SIK3: variants seen among roughly 807,000 people sequenced by gnomAD.
SIK3 encodes the protein serine/threonine-protein kinase SIK3.
Under a neutral mutation model 144.2 loss-of-function variants are expected in SIK3, and 28 were observed. The observed-to-expected ratio is 0.19, with a 90% CI of 0.14 to 0.27. SIK3 has a LOEUF of 0.27. Among genes scored for constraint, SIK3 ranks in the 10% least tolerant of loss-of-function variants. The pLI is 1.00. For synonymous variants in SIK3, 686 were observed against 676.3 expected (o/e 1.01, Z -0.22); for missense variants, 1,319 against 1,776.0 (o/e 0.74, Z 4.62).
chr11:117,065,409 A>G (rs1327545465), intron 1 of SIK3, among the ~76,000 whole-genome samples: 1 of 152,046 alleles, frequency 6.6e-6, no homozygotes, highest in Non-Finnish European at 1.5e-5. Context: ...TTAATAAAAG[A>G]AATGAATTTT....
chr11:116,957,897 A>G (rs1372567006), intron 1 of SIK3, among the ~76,000 whole-genome samples: 1 of 152,212 alleles, frequency 6.6e-6, no homozygotes, highest in African/African-American at 2.4e-5. Context: ...ATCATAAAAC[A>G]TATCTTTCCA....
chr11:116,898,817 GTGT>G (rs1472899101), intron 4 of SIK3, among the ~76,000 whole-genome samples: 1 of 151,960 alleles, frequency 6.6e-6, no homozygotes, highest in Non-Finnish European at 1.5e-5. Context: ...CTTTTTGATG[GTGT>G]TGTTTTTTTC....
intron 4 of SIK3, among the ~76,000 whole-genome samples, chr11:116,913,091 G>A (rs1291781638): frequency 6.9e-6 from 1 of 144,006 alleles, no homozygotes; most frequent in African/African-American, 2.6e-5. Flanking sequence ...CAGAATTGTG[G>A]TAGTGACAAA....
chr11:117,069,204 G>A (rs1231060157), intron 1 of SIK3, among the ~76,000 whole-genome samples: 3 of 145,872 alleles, frequency 2.1e-5, no homozygotes, highest in Admixed American at 1.4e-4. Context: ...GGGGTTTGTT[G>A]TTGTTATTTT....
intron 15 of SIK3, chr11:116,864,819 G>GC (rs1943545761): frequency 6.6e-6 from 1 of 152,284 alleles, no homozygotes; most frequent in South Asian, 2.1e-4. Flanking sequence ...TGGGACTGAA[G>GC]CAGAACCACA....
intron 1 of SIK3, among the ~76,000 whole-genome samples, chr11:116,962,064 A>G (rs1422896886): frequency 6.6e-6 from 1 of 152,246 alleles, no homozygotes; most frequent in Non-Finnish European, 1.5e-5. Flanking sequence ...GCTGAAAAAA[A>G]TAGTGGTTTC....
intron 1 of SIK3, among the ~76,000 whole-genome samples, chr11:116,964,676 C>T (rs561495052): frequency 8.2e-4 from 125 of 152,022 alleles, no homozygotes; most frequent in Non-Finnish European, 1.2e-3. Context: ...AGGTCAGGAG[C>T]TCGAGACCAG....
At chr11:116,965,907 C>A (rs900846830) in intron 1 of SIK3, among the ~76,000 whole-genome samples, 3 of 148,818 alleles carry the variant, frequency 2.0e-5, no homozygotes, top group African/African-American at 5.0e-5. Flanking sequence ...TACATGCCAG[C>A]CTGGGTGACA....
At chr11:116,935,037 A>T (rs1171641603) in intron 3 of SIK3, among the ~76,000 whole-genome samples, 1 of 152,098 alleles carries the variant, frequency 6.6e-6, no homozygotes, top group African/African-American at 2.4e-5. Flanking sequence ...GTAAGCCGAG[A>T]TCGTGCCACT....
intron 1 of SIK3, among the ~76,000 whole-genome samples, chr11:117,062,696 T>C (rs1048271157): frequency 4.6e-5 from 7 of 152,216 alleles, no homozygotes; most frequent in African/African-American, 1.7e-4. Context: ...ACAGGCTAAA[T>C]GCAGGCTTCA....
In SIK3 at chr11:116,857,593, CTAAG is replaced by C. The variant is rs1943022795; in HGVS notation, c.3655+213_3655+216del. The stretch of plus-strand genomic sequence containing the variant: ...GGAAATGGATCATCTATCTTATTGA[CTAAG>C]TGTTAATTTTGTATCATGGTCCTTT... On this transcript the variant is annotated intron_variant, in intron 21 of 24. Transcript: ENST00000445177. 1.8e-5 allele frequency: 12 copies of C among 679,592 alleles called. No individual in the cohort carries two copies. In the South Asian group the frequency reaches 2.8e-4, roughly 16 times the overall value. 42.1% of individuals were successfully genotyped at this position (679,592 alleles called of 1,614,324 possible).
intron 1 of SIK3, among the ~76,000 whole-genome samples, chr11:116,994,413 C>A (rs1390919840): frequency 6.6e-6 from 1 of 152,220 alleles, no homozygotes. Context: ...TGGAGCCACA[C>A]TGACTGCTCT....
intron 1 of SIK3, among the ~76,000 whole-genome samples, chr11:116,968,915 C>T (rs1949660674): frequency 6.6e-6 from 1 of 152,158 alleles, no homozygotes; most frequent in South Asian, 2.1e-4. Flanking sequence ...GACAATACTA[C>T]TTTTAAGCCA....
chr11:116,863,974 T>C, intron 15 of SIK3, 156 bp from the exon 16 acceptor site: 1 of 682,936 alleles, frequency 1.5e-6, no homozygotes. Context: ...CATCAGTCGT[T>C]TCCCTAGCCT....
At chr11:117,036,479 A>G (rs1207710057) in intron 1 of SIK3, among the ~76,000 whole-genome samples, 1 of 152,196 alleles carries the variant, frequency 6.6e-6, no homozygotes, top group African/African-American at 2.4e-5. Context: ...ATATTTCAGG[A>G]AATAACTTAA....
rs371679850 is a variant in SIK3 at position 116,903,824 on chromosome 11, G to A, written c.617-6507C>T. Reference sequence around the variant, plus strand: ...TGGTCTCAAACTCCTAGGCTCAAGCGATCCTCCTGACTAGGCCTTCGTAAG... The same window carrying A: ...TGGTCTCAAACTCCTAGGCTCAAGCAATCCTCCTGACTAGGCCTTCGTAAG... On this transcript the variant is annotated intron_variant, in intron 4 of 24. Coordinates refer to ENST00000445177, the MANE Select transcript of SIK3 (RefSeq NM_001366686.3). Among the ~76,000 whole-genome samples the A allele has an allele frequency of 4.6e-5, 7 of 152,226 alleles. No homozygotes were observed. The East Asian group carries it at 9.6e-4, about 21-fold the overall frequency.
intron 1 of SIK3, among the ~76,000 whole-genome samples, chr11:117,024,068 A>G (rs555930375): frequency 1.6e-4 from 25 of 152,240 alleles, no homozygotes; most frequent in African/African-American, 5.8e-4. Flanking sequence ...AGCCCACTGA[A>G]TAACTTTAAA....
At chr11:116,938,455 G>A (rs192744886) in intron 3 of SIK3, among the ~76,000 whole-genome samples, 1 of 8,506 alleles carries the variant, frequency 1.2e-4, no homozygotes, top group Non-Finnish European at 3.7e-4. Flanking sequence ...GGAGGGGAGG[G>A]GAGGGGAGGA....
intron 21 of SIK3, chr11:116,857,532 A>T: frequency 2.3e-6 from 1 of 428,796 alleles, no homozygotes; most frequent in South Asian, 4.3e-5. Flanking sequence ...GGCAGTCAGG[A>T]ATTTCTGGAT....
Sources: allele counts gnomAD v4.1 joint callset (sites outside exome capture counted in the v4.1 genomes callset), GRCh38; gene constraint gnomAD v4.1.1; transcripts MANE v1.5; gene names NCBI Gene and HGNC (gene_info 2026-07-23, HGNC 2026-07-21).